CDC25A: variants seen among roughly 807,000 people sequenced by gnomAD.
CDC25A encodes the protein M-phase inducer phosphatase 1.
CDC25A carries 17 observed loss-of-function variants against 64.6 expected under a neutral mutation model. The observed-to-expected ratio is 0.26, with a 90% CI of 0.18 to 0.39. CDC25A has a LOEUF of 0.39. Ranked by LOEUF, CDC25A falls within the 10% of genes least tolerant of loss-of-function variation. The probability of loss-of-function intolerance (pLI) is 1.00; values close to 1 mark genes in which losing one functional copy is unlikely to be tolerated. For synonymous variants in CDC25A, 229 were observed against 238.6 expected (o/e 0.96, Z 0.37); for missense variants, 473 against 654.8 (o/e 0.72, Z 3.03).
chr3:48,176,241 T>C (rs2032450709), intron 8 of CDC25A, among the ~76,000 whole-genome samples: 1 of 152,160 alleles, frequency 6.6e-6, no homozygotes, highest in Admixed American at 6.5e-5. Flanking sequence ...GTTCAGGTTA[T>C]TGAGAATTAA....
chr3:48,164,804 C>A (rs962895324), intron 12 of CDC25A, among the ~76,000 whole-genome samples: 1 of 151,954 alleles, frequency 6.6e-6, no homozygotes, highest in Non-Finnish European at 1.5e-5. Context: ...CACTATTAAT[C>A]GGGTAAAACA....
chr3:48,166,823 G>C (rs2032045566), intron 10 of CDC25A, among the ~76,000 whole-genome samples: 2 of 152,198 alleles, frequency 1.3e-5, no homozygotes, highest in Non-Finnish European at 2.9e-5. Flanking sequence ...GGGAGCACTT[G>C]AGGCCATAAG....
At chr3:48,165,496 G>A (rs1298581188) in intron 12 of CDC25A, 140 bp downstream of exon 12, 6 of 623,458 alleles carry the variant, frequency 9.6e-6, no homozygotes, top group Non-Finnish European at 1.7e-5. Context: ...GGAATCAAAT[G>A]CCTTCCACAC....
intron 8 of CDC25A, among the ~76,000 whole-genome samples, chr3:48,175,572 C>T (rs556790325): frequency 2.0e-5 from 3 of 152,252 alleles, no homozygotes; most frequent in South Asian, 2.1e-4. Flanking sequence ...CCATAGAGAC[C>T]GGGGATTTTC....
intron 9 of CDC25A, among the ~76,000 whole-genome samples, chr3:48,168,200 A>AAAG (rs1553768339): frequency 6.8e-6 from 1 of 147,170 alleles, no homozygotes. Context: ...AAAAAAAAAA[A>AAAG]GGGGGTGCAG....
chr3:48,166,232 G>C (rs565103412), intron 10 of CDC25A, among the ~76,000 whole-genome samples: 1 of 152,246 alleles, frequency 6.6e-6, no homozygotes, highest in East Asian at 1.9e-4. Flanking sequence ...GCAGTGAGCT[G>C]AGATTGCACC....
rs981364628 is a variant in CDC25A, at chr3:48,188,266, G to A, written c.-319C>T. 2 of 235,664 alleles carry A rather than the reference G, an allele frequency of 8.5e-6. No homozygotes were observed. The highest frequency in any genetic ancestry group is 1.6e-5 in the Non-Finnish European group (2 of 122,810). 14.6% of individuals were successfully genotyped at this position (235,664 alleles called of 1,614,324 possible). A position where few individuals can be genotyped will look rare whatever the true frequency, so the allele number is the denominator to read the frequency against. On this transcript the variant is annotated 5_prime_UTR_variant, in exon 1 of 15. Transcript: ENST00000302506. ...GGCGGGTCGGCAAGAGAAGCCGGGCGAGAGCCTCGAGGCAACGGCCCAGGC... is the reference window on the plus strand; with the variant it reads ...GGCGGGTCGGCAAGAGAAGCCGGGCAAGAGCCTCGAGGCAACGGCCCAGGC...
rs1469492858 is a variant in CDC25A at position 48,177,509 on chromosome 3, GGT to G, written c.685-69_685-68del. The G allele has an allele frequency of 8.2e-6, 10 of 1,214,424 alleles. No individual in the cohort carries two copies. In the African/African-American group the frequency reaches 1.3e-4, roughly 16 times the overall value. The allele number at this position is 1,214,424 out of a possible 1,614,324, so 75.2% of individuals were successfully genotyped here. On this transcript the variant is annotated intron_variant, in intron 7 of 14. Coordinates refer to ENST00000302506, the MANE Select transcript of CDC25A (RefSeq NM_001789.3). ...GACTAACATTTGTTTAAGTGCTTTAGGTGTGTTTCTCCCTGAACAATACCAGA... is the reference window on the plus strand; with the variant it reads ...GACTAACATTTGTTTAAGTGCTTTAGGTGTTTCTCCCTGAACAATACCAGA...
intron 2 of CDC25A, among the ~76,000 whole-genome samples, chr3:48,185,552 G>A (rs943869281): frequency 1.3e-5 from 2 of 151,756 alleles, no homozygotes; most frequent in African/African-American, 4.9e-5. Flanking sequence ...CAGCTACTAG[G>A]GAAGCTGAGG....
chr3:48,158,826 TCCCAGGCC>T lies in CDC25A; in HGVS notation c.*111_*118del, dbSNP rs2031630956. The T allele has an allele frequency of 2.9e-5, 37 of 1,286,970 alleles. No homozygotes were observed. The South Asian group carries it at 5.1e-4, about 18-fold the overall frequency. 79.7% of individuals were successfully genotyped at this position (1,286,970 alleles called of 1,614,324 possible). A position where few individuals can be genotyped will look rare whatever the true frequency, so the allele number is the denominator to read the frequency against. On this transcript the variant is annotated 3_prime_UTR_variant, in exon 15 of 15. Coordinates refer to ENST00000302506, the MANE Select transcript of CDC25A (RefSeq NM_001789.3). ...GGGAGGTAGGTTTAAGGCATGGAAGTCCCAGGCCCCCTCTCCAAATGTCACACAGCTGT... is the reference window on the plus strand; with the variant it reads ...GGGAGGTAGGTTTAAGGCATGGAAGTCCCTCTCCAAATGTCACACAGCTGT...
At chr3:48,181,915 G>A (rs1451501662) in intron 5 of CDC25A, among the ~76,000 whole-genome samples, 1 of 152,128 alleles carries the variant, frequency 6.6e-6, no homozygotes, top group Non-Finnish European at 1.5e-5. Flanking sequence ...CGATTTTACA[G>A]GTGAGAAAAC....
At chr3:48,176,067 C>T (rs574306051) in intron 8 of CDC25A, among the ~76,000 whole-genome samples, 15 of 152,132 alleles carry the variant, frequency 9.9e-5, no homozygotes, top group Non-Finnish European at 2.1e-4. Flanking sequence ...ACTCAGAAGG[C>T]TGAGCCAGAA....
intron 2 of CDC25A, among the ~76,000 whole-genome samples, chr3:48,186,462 G>A (rs560717787): frequency 2.0e-5 from 3 of 151,984 alleles, no homozygotes; most frequent in East Asian, 3.9e-4. Context: ...CCAGCTACTC[G>A]GGAGGCTGAG....
intron 8 of CDC25A, among the ~76,000 whole-genome samples, chr3:48,176,037 G>A (rs954255922): frequency 6.6e-5 from 10 of 152,116 alleles, no homozygotes; most frequent in Non-Finnish European, 1.3e-4. Flanking sequence ...GAGTGGTGGC[G>A]TAAGCCTGTA....
chr3:48,165,329 A>AT (rs1246014974), intron 12 of CDC25A, among the ~76,000 whole-genome samples: 7 of 151,984 alleles, frequency 4.6e-5, no homozygotes, highest in Non-Finnish European at 1.0e-4. Flanking sequence ...CTTAAATGCT[A>AT]TGAAACCCAT....
At chr3:48,168,861 C>A (rs2032160017) in intron 9 of CDC25A, among the ~76,000 whole-genome samples, 1 of 151,988 alleles carries the variant, frequency 6.6e-6, no homozygotes. Flanking sequence ...CCATGTTGGC[C>A]AGATGGTCTT....
intron 8 of CDC25A, among the ~76,000 whole-genome samples, chr3:48,175,365 G>C (rs1201297302): frequency 2.0e-5 from 3 of 152,160 alleles, no homozygotes; most frequent in African/African-American, 4.8e-5. Flanking sequence ...ACCAGTGGTA[G>C]CAAGAGTCAG....
intron 4 of CDC25A, among the ~76,000 whole-genome samples, chr3:48,183,572 T>C (rs933791509): frequency 6.6e-6 from 1 of 152,130 alleles, no homozygotes; most frequent in Non-Finnish European, 1.5e-5. Context: ...TCCCAGCTCC[T>C]CTGGAAGTTG....
At chr3:48,174,150 C>G in intron 9 of CDC25A, 134 bp downstream of exon 9, 1 of 753,946 alleles carries the variant, frequency 1.3e-6, no homozygotes, top group Non-Finnish European at 2.1e-6. Flanking sequence ...CACACACACA[C>G]CCACACACAC....
Sources: allele counts gnomAD v4.1 joint callset (sites outside exome capture counted in the v4.1 genomes callset), GRCh38; gene constraint gnomAD v4.1.1; transcripts MANE v1.5; gene names NCBI Gene and HGNC (gene_info 2026-07-23, HGNC 2026-07-21).